Variants in ERC2 observed in about 807,000 individuals in gnomAD.
ERC2 encodes the protein ERC protein 2.
In ERC2, 42 loss-of-function variants were observed where a neutral mutation model predicts 114.8. That is an observed-to-expected ratio of 0.37 (90% CI 0.29 to 0.47). The LOEUF (loss-of-function observed/expected upper bound fraction) is 0.47, where lower values mean the gene tolerates loss of function less well. Ranked by LOEUF, ERC2 falls within the 20% of genes least tolerant of loss-of-function variation. The pLI, the probability that ERC2 is intolerant of heterozygous loss-of-function variation, is 0.99. For synonymous variants in ERC2, 454 were observed against 425.5 expected, an observed-to-expected ratio of 1.07 and a Z score of -0.82; for missense variants, 939 against 1,150.7, an observed-to-expected ratio of 0.82 and a Z score of 2.66.
At chr3:55,703,871 C>T (rs753423139) in intron 15 of ERC2, among the ~76,000 whole-genome samples, 6 of 152,124 alleles carry the variant, frequency 3.9e-5, no homozygotes, top group Non-Finnish European at 7.3e-5. Flanking sequence ...AGCTTTGGAG[C>T]TGTTAGGCAA....
chr3:55,976,201 A>G (rs1015120649), intron 12 of ERC2, among the ~76,000 whole-genome samples: 1 of 152,198 alleles, frequency 6.6e-6, no homozygotes, highest in Non-Finnish European at 1.5e-5. Context: ...CACCGAAACC[A>G]AGGAAATCTG....
At chr3:55,765,199 C>T (rs376604510) in intron 14 of ERC2, among the ~76,000 whole-genome samples, 1 of 152,126 alleles carries the variant, frequency 6.6e-6, no homozygotes, top group South Asian at 2.1e-4. Flanking sequence ...GAATTCAGAC[C>T]AGGGCCCATA....
intron 12 of ERC2, among the ~76,000 whole-genome samples, chr3:55,984,493 G>A (rs1246008726): frequency 1.3e-5 from 2 of 152,112 alleles, no homozygotes; most frequent in Non-Finnish European, 2.9e-5. Context: ...ATACAGGCAG[G>A]CAAGGAGAAA....
intron 7 of ERC2, among the ~76,000 whole-genome samples, chr3:56,024,817 C>T (rs1156247212): frequency 6.6e-6 from 1 of 152,226 alleles, no homozygotes; most frequent in Non-Finnish European, 1.5e-5. Context: ...CAAGTTCCTA[C>T]AGGCTGACAA....
chr3:55,665,327 T>A (rs949034211), intron 17 of ERC2, among the ~76,000 whole-genome samples: 4 of 152,206 alleles, frequency 2.6e-5, no homozygotes, highest in Admixed American at 2.6e-4. Flanking sequence ...AAATGATTCA[T>A]AGAATCTTGT....
intron 2 of ERC2, among the ~76,000 whole-genome samples, chr3:56,379,530 T>G (rs1042601873): frequency 6.6e-6 from 1 of 152,130 alleles, no homozygotes; most frequent in East Asian, 1.9e-4. Context: ...AACTGAGGCA[T>G]AGAAAGTTAA....
intron 3 of ERC2, among the ~76,000 whole-genome samples, chr3:56,267,252 T>TAC (rs145784236): frequency 6.6e-6 from 1 of 151,940 alleles, no homozygotes; most frequent in East Asian, 1.9e-4. Context: ...TCAACCTGTA[T>TAC]ACACACACAC....
intron 3 of ERC2, among the ~76,000 whole-genome samples, chr3:56,294,173 G>T (rs931636125): frequency 1.7e-4 from 26 of 152,226 alleles, no homozygotes; most frequent in African/African-American, 6.3e-4. Context: ...TACATGAGAG[G>T]TCTATGAAGT....
At chr3:56,054,544 G>A (rs2075915382) in intron 7 of ERC2, among the ~76,000 whole-genome samples, 1 of 151,986 alleles carries the variant, frequency 6.6e-6, no homozygotes, top group African/African-American at 2.4e-5. Flanking sequence ...CATCTCTGTT[G>A]GGTACCTTGT....
At chr3:56,275,504 G>C (rs1375446982) in intron 3 of ERC2, among the ~76,000 whole-genome samples, 3 of 152,216 alleles carry the variant, frequency 2.0e-5, no homozygotes, top group Non-Finnish European at 4.4e-5. Context: ...ACTTGCCAGA[G>C]GTCACATAGC....
chr3:56,437,765 G>T (rs188361430), intron 1 of ERC2, among the ~76,000 whole-genome samples: 1 of 152,146 alleles, frequency 6.6e-6, no homozygotes, highest in Non-Finnish European at 1.5e-5. Context: ...ATAAGAATTC[G>T]GTGACATAAA....
intron 17 of ERC2, among the ~76,000 whole-genome samples, chr3:55,554,307 C>CT (rs1319438589): frequency 6.6e-6 from 1 of 152,194 alleles, no homozygotes; most frequent in Admixed American, 6.5e-5. Context: ...GAAAAAACCT[C>CT]TTTGAGACCA....
At chr3:55,938,148 G>A (rs1559900383) in intron 13 of ERC2, among the ~76,000 whole-genome samples, 1 of 149,878 alleles carries the variant, frequency 6.7e-6, no homozygotes, top group Non-Finnish European at 1.5e-5. Flanking sequence ...ACCCAGCCTC[G>A]AAAAACCAAG....
chr3:55,786,485 ACTG>A (rs1213831853), intron 14 of ERC2, among the ~76,000 whole-genome samples: 1 of 152,196 alleles, frequency 6.6e-6, no homozygotes, highest in Non-Finnish European at 1.5e-5. Context: ...CCTTGTTACC[ACTG>A]CTAATTATAT....
intron 2 of ERC2, among the ~76,000 whole-genome samples, chr3:56,317,600 C>T (rs936874542): frequency 6.6e-6 from 1 of 152,138 alleles, no homozygotes; most frequent in Non-Finnish European, 1.5e-5. Flanking sequence ...TAAGACATCA[C>T]TTTTTTGTAC....
At chr3:56,215,571 T>A (rs1476790701) in intron 3 of ERC2, among the ~76,000 whole-genome samples, 2 of 152,086 alleles carry the variant, frequency 1.3e-5, no homozygotes, top group Admixed American at 1.3e-4. Flanking sequence ...ACTGTCAACA[T>A]TAGACAGATC....
At chr3:56,179,416 T>C (rs1334760215) in intron 3 of ERC2, among the ~76,000 whole-genome samples, 2 of 152,130 alleles carry the variant, frequency 1.3e-5, no homozygotes, top group Non-Finnish European at 2.9e-5. Context: ...AGGCAAACCA[T>C]GACATGAGGC....
intron 6 of ERC2, among the ~76,000 whole-genome samples, chr3:56,122,556 C>A (rs2079638306): frequency 6.6e-6 from 1 of 152,208 alleles, no homozygotes; most frequent in Middle Eastern, 3.4e-3. Context: ...GTGTTCTCCA[C>A]TATAAAGAAA....
chr3:56,393,807 C>T (rs1024111227), intron 2 of ERC2, among the ~76,000 whole-genome samples: 4 of 152,092 alleles, frequency 2.6e-5, no homozygotes, highest in African/African-American at 9.7e-5. Context: ...ATTAGCAAAC[C>T]ATCAGCTACA....
Sources: allele counts gnomAD v4.1 joint callset (sites outside exome capture counted in the v4.1 genomes callset), GRCh38; gene constraint gnomAD v4.1.1; transcripts MANE v1.5; gene names NCBI Gene and HGNC (gene_info 2026-07-23, HGNC 2026-07-21).